The following SGCZ variants were observed in gnomAD, a reference collection of about 807,000 sequenced individuals.
SGCZ encodes the protein zeta-sarcoglycan.
Under a neutral mutation model 41.3 loss-of-function variants are expected in SGCZ, and 40 were observed. That is an observed-to-expected ratio of 0.97 (90% CI 0.75 to 1.26). SGCZ has a LOEUF of 1.26. Ranked by LOEUF, SGCZ falls within the 50% of genes most tolerant of loss-of-function variation. SGCZ has a pLI of 0.00. For missense variants in SGCZ, 552 were observed against 369.8 expected, an observed-to-expected ratio of 1.49 and a Z score of -4.04; for synonymous variants, 206 against 137.5, an observed-to-expected ratio of 1.50 and a Z score of -3.49.
chr8:14,910,821 T>C (rs996437979), intron 1 of SGCZ, among the ~76,000 whole-genome samples: 3 of 152,108 alleles, frequency 2.0e-5, no homozygotes, highest in African/African-American at 4.8e-5. Context: ...GCTTATATTG[T>C]ACATTCATAT....
chr8:14,779,427 A>G (rs984585242), intron 1 of SGCZ, among the ~76,000 whole-genome samples: 3 of 152,288 alleles, frequency 2.0e-5, no homozygotes, highest in South Asian at 2.1e-4. Context: ...AGGCCGGTCA[A>G]GCCTTCAAAT....
Position 15,117,358 on chromosome 8 carries a change from CA to C in SGCZ, c.39+120226del, listed in dbSNP as rs111672452. 6.6e-3 allele frequency among the ~76,000 whole-genome samples: 908 copies of C among 136,690 alleles called. 4 individuals carry two copies. The highest frequency in any genetic ancestry group is 0.018 in the African/African-American group (680 of 37,464). The allele number at this position is 136,690 out of a possible 152,430, so 89.7% of individuals were successfully genotyped here. On this transcript the variant is annotated intron_variant, in intron 1 of 7. Coordinates refer to ENST00000382080, the MANE Select transcript of SGCZ (RefSeq NM_139167.4). ...TGGGCGACAGAGCGAGACTCCATCT[CA>C]AAAAAAAAAAAAGTATAAATGTATT...
chr8:14,723,306 C>G (rs763086769), intron 1 of SGCZ, among the ~76,000 whole-genome samples: 12 of 152,186 alleles, frequency 7.9e-5, no homozygotes, highest in Non-Finnish European at 1.2e-4. Flanking sequence ...TGCCTGAACA[C>G]CAGGGCTTGT....
chr8:14,480,621 C>T (rs1410490379), intron 2 of SGCZ, among the ~76,000 whole-genome samples: 4 of 152,054 alleles, frequency 2.6e-5, no homozygotes, highest in African/African-American at 9.7e-5. Flanking sequence ...AGTAACAGAG[C>T]TCGGGGCTTG....
At chr8:14,129,191 C>T (rs538703165) in intron 5 of SGCZ, among the ~76,000 whole-genome samples, 8 of 150,588 alleles carry the variant, frequency 5.3e-5, no homozygotes, top group African/African-American at 1.9e-4. Context: ...ACTAAAAATA[C>T]AAAAAAAAGC....
intron 2 of SGCZ, among the ~76,000 whole-genome samples, chr8:14,417,672 T>C (rs1799531470): frequency 6.6e-6 from 1 of 151,884 alleles, no homozygotes; most frequent in Non-Finnish European, 1.5e-5. Flanking sequence ...GAGTTACTAA[T>C]AACGTATTGT....
intron 1 of SGCZ, among the ~76,000 whole-genome samples, chr8:14,850,184 T>C (rs1462668705): frequency 6.6e-6 from 1 of 152,350 alleles, no homozygotes; most frequent in East Asian, 1.9e-4. Context: ...CAGTGTTAAA[T>C]TTCATTACAT....
chr8:14,261,157 T>G (rs1020201731), intron 3 of SGCZ, among the ~76,000 whole-genome samples: 6 of 152,166 alleles, frequency 3.9e-5, no homozygotes, highest in African/African-American at 7.2e-5. Flanking sequence ...ACTTAAATTC[T>G]CAAACCACTG....
At chr8:14,625,576 T>TTTGTTG (rs1292971579) in intron 1 of SGCZ, among the ~76,000 whole-genome samples, 1 of 149,680 alleles carries the variant, frequency 6.7e-6, no homozygotes, top group African/African-American at 2.6e-5. Context: ...AAAGTAGTGT[T>TTTGTTG]TTGTTGTTGT....
chr8:14,304,905 T>C (rs1563246683), intron 3 of SGCZ, among the ~76,000 whole-genome samples: 1 of 151,990 alleles, frequency 6.6e-6, no homozygotes, highest in African/African-American at 2.4e-5. Flanking sequence ...AAGTAGAAAA[T>C]AAAACAGAAT....
chr8:14,129,631 C>T (rs890800261), intron 5 of SGCZ, among the ~76,000 whole-genome samples: 2 of 151,652 alleles, frequency 1.3e-5, no homozygotes, highest in Non-Finnish European at 2.9e-5. Flanking sequence ...AACAATCTAA[C>T]TTTATACCTT....
At chr8:14,756,762 A>G (rs1311400407) in intron 1 of SGCZ, among the ~76,000 whole-genome samples, 1 of 152,228 alleles carries the variant, frequency 6.6e-6, no homozygotes, top group Non-Finnish European at 1.5e-5. Flanking sequence ...ATGGGAGAAG[A>G]CATTATTAAT....
intron 1 of SGCZ, among the ~76,000 whole-genome samples, chr8:15,054,435 T>C (rs567246901): frequency 6.6e-6 from 1 of 152,184 alleles, no homozygotes; most frequent in South Asian, 2.1e-4. Flanking sequence ...ACCACACAGG[T>C]AAGTACCCAG....
At chr8:14,974,616 G>A (rs1801404964) in intron 1 of SGCZ, among the ~76,000 whole-genome samples, 5 of 152,076 alleles carry the variant, frequency 3.3e-5, no homozygotes, top group Admixed American at 2.6e-4. Context: ...CAACTTCAGT[G>A]TTTTTTGAAG....
intron 2 of SGCZ, among the ~76,000 whole-genome samples, chr8:14,331,798 T>C (rs1014597380): frequency 3.9e-5 from 6 of 151,960 alleles, no homozygotes; most frequent in Admixed American, 1.3e-4. Flanking sequence ...TTGTATTTTG[T>C]TTCTCTTAAG....
At chr8:14,142,483 G>A (rs1275766643) in intron 5 of SGCZ, among the ~76,000 whole-genome samples, 1 of 152,022 alleles carries the variant, frequency 6.6e-6, no homozygotes, top group Non-Finnish European at 1.5e-5. Flanking sequence ...GATCCCATTA[G>A]GCCCATTTAG....
intron 1 of SGCZ, among the ~76,000 whole-genome samples, chr8:14,885,539 C>T (rs1350150403): frequency 6.6e-6 from 1 of 152,092 alleles, no homozygotes; most frequent in African/African-American, 2.4e-5. Flanking sequence ...TCCTCTGACA[C>T]TTGCTTGAAC....
chr8:14,518,697 A>G (rs1802698633), intron 2 of SGCZ, among the ~76,000 whole-genome samples: 1 of 152,008 alleles, frequency 6.6e-6, no homozygotes, highest in African/African-American at 2.4e-5. Flanking sequence ...TATTAAGTAC[A>G]GTTTAGTTGC....
chr8:14,952,882 G>A (rs1028611306), intron 1 of SGCZ, among the ~76,000 whole-genome samples: 11 of 152,146 alleles, frequency 7.2e-5, no homozygotes, highest in African/African-American at 1.7e-4. Context: ...CTGTGTGCTG[G>A]AAACCATTCT....
Sources: allele counts gnomAD v4.1 joint callset (sites outside exome capture counted in the v4.1 genomes callset), GRCh38; gene constraint gnomAD v4.1.1; transcripts MANE v1.5; gene names NCBI Gene and HGNC (gene_info 2026-07-23, HGNC 2026-07-21).